RBM39: variants seen among roughly 807,000 people sequenced by gnomAD.
The protein encoded by RBM39 is RNA binding motif protein 39, also known as RNA-binding protein 39.
A neutral mutation model predicts 79.6 loss-of-function variants in RBM39; 12 were observed. The observed-to-expected ratio is 0.15, with a 90% CI of 0.10 to 0.24. The LOEUF (loss-of-function observed/expected upper bound fraction) is 0.24, where lower values mean the gene tolerates loss of function less well. RBM39 is among the 10% of genes least tolerant of loss of function. The pLI, the probability that RBM39 is intolerant of heterozygous loss-of-function variation, is 1.00. For synonymous variants in RBM39, 185 were observed against 208.4 expected (o/e 0.89, Z 0.97); for missense variants, 243 against 653.4 (o/e 0.37, Z 6.85).
At chr20:35,735,006 G>A (rs758055574) in intron 3 of RBM39, 1 of 1,610,454 alleles carries the variant, frequency 6.2e-7, no homozygotes, top group Non-Finnish European at 8.5e-7. Flanking sequence ...TATGGCCTCT[G>A]CAGTAAAGGT....
In RBM39 at chr20:35,731,767, T is replaced by C; in HGVS notation, c.296+174A>G. The C allele has an allele frequency of 4.4e-6, 3 of 686,222 alleles. No individual in the cohort carries two copies. In the South Asian group the frequency reaches 5.7e-5, roughly 13 times the overall value. 42.5% of individuals were successfully genotyped at this position (686,222 alleles called of 1,614,324 possible). A position where few individuals can be genotyped will look rare whatever the true frequency, so the allele number is the denominator to read the frequency against. ...GTAAAAGCAAATTTTTACTTATTTGTCTATGCACTGTATTTTCACTTTACT... is the reference window on the plus strand; with the variant it reads ...GTAAAAGCAAATTTTTACTTATTTGCCTATGCACTGTATTTTCACTTTACT... On this transcript the variant is annotated intron_variant, in intron 4 of 16. Transcript: ENST00000253363.
In RBM39 at chr20:35,716,993, A is replaced by C. The variant is rs899851039; in HGVS notation, c.826-188T>G. Among the ~76,000 whole-genome samples the C allele has an allele frequency of 4.6e-5, 7 of 151,742 alleles. No individual in the cohort carries two copies. In the East Asian group the frequency reaches 7.7e-4, roughly 17 times the overall value. On this transcript the variant is annotated intron_variant, in intron 9 of 16. Coordinates refer to ENST00000253363, the MANE Select transcript of RBM39 (RefSeq NM_184234.3). The stretch of plus-strand genomic sequence containing the variant: ...ATAATTTTATATGTAAAATGAAAAA[A>C]ATTAGGCTGGGCGTGGTGGTCGGCG...
Position 35,709,263 on chromosome 20 carries a change from C to T in RBM39, c.1186G>A (p.Val396Ile). The change falls in exon 13 of 17, where the codon GTT becomes ATT. Residue 396 changes from valine (V) to isoleucine (I), a missense_variant. Val to Ile is a conservative substitution (Grantham distance 29, BLOSUM62 3). Coordinates refer to ENST00000253363, the MANE Select transcript of RBM39 (RefSeq NM_184234.3). ...AFGAVAEFSF[V>I]IDLQTRLSQQ... ...GAAAGTCTTGTTTGCAAATCTATAA[C>T]AAAAGAGAATTCTACAGCTCAGTGC... is the stretch of plus-strand genomic sequence containing the variant. The T allele has an allele frequency of 6.2e-7, 1 of 1,609,802 alleles. No individual in the cohort carries two copies. The highest frequency in any genetic ancestry group is 8.5e-7 in the Non-Finnish European group (1 of 1,178,818).
chr20:35,738,945 C>T (rs1351067147), intron 3 of RBM39, 23 bp downstream of exon 3: 3 of 1,600,760 alleles, frequency 1.9e-6, no homozygotes, highest in Non-Finnish European at 2.6e-6. Flanking sequence ...CCACCCTCCC[C>T]CAAGCCCCTT....
At position 35,702,115 on chromosome 20, in the gene RBM39, C is replaced by T. The variant is rs6058302; in HGVS notation, c.*2366G>A. 28,433 of 152,120 alleles carry T rather than the reference C, an allele frequency of 0.19. 3,060 individuals carry two copies. Among genetic ancestry groups the T allele is most frequent in the African/African-American group, 0.31 (12,730 of 41,450 alleles). The allele number at this position is 152,120 out of a possible 1,614,324, so 9.4% of individuals were successfully genotyped here. A position where few individuals can be genotyped will look rare whatever the true frequency, so the allele number is the denominator to read the frequency against. ...GAGGCAGTTGTCCATCTCACCTGCC[C>T]AGGCCACGCAGACCCTGGAGTTACT... On this transcript the variant is annotated 3_prime_UTR_variant, in exon 17 of 17. Coordinates refer to ENST00000253363, the MANE Select transcript of RBM39 (RefSeq NM_184234.3).
intron 11 of RBM39, chr20:35,713,689 A>AAAAAAAAAAAAAAAAAAAAAC: frequency 6.7e-6 from 1 of 149,556 alleles, no homozygotes; most frequent in African/African-American, 2.5e-5. Flanking sequence ...AAAAAAAAAA[A>AAAAAAAAAAAAAAAAAAAAAC]AAAAAAAACC....
At chr20:35,724,825 T>G (rs2038454586) in intron 7 of RBM39, 103 bp from the exon 8 acceptor site, 6 of 1,362,794 alleles carry the variant, frequency 4.4e-6, no homozygotes, top group Admixed American at 2.3e-5. Context: ...AAAAATTTAA[T>G]TAAAAAAGTA....
chr20:35,708,310 T>TA lies in RBM39; in HGVS notation c.1225+913dup, dbSNP rs1274744567. ...CTTACAGAAGATATGGAAGTATCCT[T>TA]AAAAAAAACTAGAAAGTCTAAACAG... is the stretch of plus-strand genomic sequence containing the variant. On this transcript the variant is annotated intron_variant, in intron 13 of 16. Coordinates refer to ENST00000253363, the MANE Select transcript of RBM39 (RefSeq NM_184234.3). Among the ~76,000 whole-genome samples, 8 of 151,758 alleles carry TA rather than the reference T, an allele frequency of 5.3e-5. No individual in the cohort carries two copies. In the East Asian group the frequency reaches 7.7e-4, roughly 15 times the overall value.
intron 6 of RBM39, among the ~76,000 whole-genome samples, chr20:35,726,732 A>G (rs2038738815): frequency 6.6e-6 from 1 of 152,238 alleles, no homozygotes; most frequent in Non-Finnish European, 1.5e-5. Flanking sequence ...TCATCCTTTA[A>G]GATGTAAGCC....
intron 3 of RBM39, chr20:35,735,067 T>G (rs1243422553): frequency 2.4e-5 from 37 of 1,570,554 alleles, no homozygotes; most frequent in Non-Finnish European, 2.8e-5. Flanking sequence ...ATCTAAATTT[T>G]TAATGCAAAG....
chr20:35,735,168 T>C (rs1454986842), intron 3 of RBM39: 2 of 1,380,066 alleles, frequency 1.4e-6, no homozygotes, highest in Admixed American at 6.8e-5. Flanking sequence ...ATTTCAACTG[T>C]GTCATTTTAA....
chr20:35,733,200 G>A (rs1253817189), intron 3 of RBM39, among the ~76,000 whole-genome samples: 1 of 151,918 alleles, frequency 6.6e-6, no homozygotes, highest in African/African-American at 2.4e-5. Flanking sequence ...CTACTTGGGA[G>A]GCTGAAGCAA....
intron 8 of RBM39, among the ~76,000 whole-genome samples, chr20:35,723,800 G>C (rs897202589): frequency 2.6e-5 from 4 of 152,206 alleles, no homozygotes; most frequent in African/African-American, 9.6e-5. Flanking sequence ...TAACACTTCA[G>C]GAGGCCCAGG....
chr20:35,741,922 G>A lies in RBM39; in HGVS notation c.-14+19C>T, dbSNP rs888574824. On this transcript the variant is annotated intron_variant, in intron 1 of 16. Coordinates refer to ENST00000253363, the MANE Select transcript of RBM39 (RefSeq NM_184234.3). ...CTCGAGAAAGCTGAGATAATACGCG[G>A]GTCCGCAACGCCCCGTACCTGTTCC... The A allele has an allele frequency of 1.1e-5, 2 of 175,894 alleles. No individual in the cohort carries two copies. Among genetic ancestry groups the A allele is most frequent in the Non-Finnish European group, 2.5e-5 (2 of 80,270 alleles). 10.9% of individuals were successfully genotyped at this position (175,894 alleles called of 1,614,324 possible).
intron 13 of RBM39, chr20:35,707,667 C>T (rs550693129): frequency 5.0e-6 from 1 of 198,222 alleles, no homozygotes; most frequent in East Asian, 1.7e-4. Flanking sequence ...AGAATTAAGA[C>T]ATATAAAATC....
intron 13 of RBM39, among the ~76,000 whole-genome samples, chr20:35,708,230 AGTT>A (rs1397894346): frequency 6.6e-6 from 1 of 151,922 alleles, no homozygotes; most frequent in Non-Finnish European, 1.5e-5. Flanking sequence ...GCTGGAAAAA[AGTT>A]AAAGATTCGA....
rs1210954428 is a variant in RBM39 at position 35,729,485 on chromosome 20, C to G, written c.339G>C (p.Gly113=). The change falls in exon 5 of 17, where the codon GGG becomes GGC. Residue 113 remains glycine, a synonymous_variant. Transcript: ENST00000253363. ...ACCTTAATTTGATGCTATGAGGCAA[C>G]CCAATCTTTCCTCGGATGGCACTGT... ...KFNSAIRGKI[G]LPHSIKLSRR... 1.2e-6 allele frequency: 2 copies of G among 1,613,892 alleles called. No individual in the cohort carries two copies. Among genetic ancestry groups the G allele is most frequent in the Admixed American group, 1.7e-5 (1 of 59,938 alleles).
At chr20:35,730,659 C>G (rs962762165) in intron 4 of RBM39, among the ~76,000 whole-genome samples, 1 of 152,032 alleles carries the variant, frequency 6.6e-6, no homozygotes, top group East Asian at 1.9e-4. Flanking sequence ...TCCCAGCAAA[C>G]AAAGTATCCA....
At chr20:35,716,661 G>T in intron 10 of RBM39, 79 bp downstream of exon 10, 1 of 860,954 alleles carries the variant, frequency 1.2e-6, no homozygotes, top group Non-Finnish European at 1.9e-6. Context: ...CCAGGAGCTA[G>T]AGACTAATCT....
Sources: allele counts gnomAD v4.1 joint callset (sites outside exome capture counted in the v4.1 genomes callset), GRCh38; gene constraint gnomAD v4.1.1; transcripts MANE v1.5; gene names NCBI Gene and HGNC (gene_info 2026-07-23, HGNC 2026-07-21).